Variants in KCTD14 observed in about 807,000 individuals in gnomAD.
KCTD14 encodes BTB/POZ domain-containing protein KCTD14.
KCTD14 carries 7 observed loss-of-function variants against 5.9 expected under a neutral mutation model. The ratio of observed to expected loss-of-function variants is 1.19; its 90% confidence interval spans 0.68 to 2.23. The LOEUF (loss-of-function observed/expected upper bound fraction) is 2.23, where lower values mean the gene tolerates loss of function less well. Among genes scored for constraint, KCTD14 ranks in the 30% most tolerant of loss-of-function variants. The pLI, the probability that KCTD14 is intolerant of heterozygous loss-of-function variation, is 0.00. For synonymous variants in KCTD14, 140 were observed against 133.1 expected (o/e 1.05, Z -0.36); for missense variants, 342 against 332.2 (o/e 1.03, Z -0.23).
chr11:78,024,409 TATAC>T (rs1388001375), upstream of KCTD14, among the ~76,000 whole-genome samples: 4 of 124,228 alleles, frequency 3.2e-5, no homozygotes, highest in East Asian at 2.2e-4. Flanking sequence ...TATATATATA[TATAC>T]ACACACACAC....
chr11:78,037,027 C>T (rs146163244), intron 2 of KCTD14, among the ~76,000 whole-genome samples: 4 of 152,326 alleles, frequency 2.6e-5, no homozygotes, highest in South Asian at 2.1e-4. Context: ...CCCAAAGTCA[C>T]GGAACCATGA....
chr11:78,025,116 GTGTATATATATATA>G (rs71046940), upstream of KCTD14, among the ~76,000 whole-genome samples: 17,200 of 67,600 alleles, frequency 0.25, 1,677 homozygotes, highest in South Asian at 0.35. Flanking sequence ...GTGTGTGTGT[GTGTATATATATATA>G]TATATATATA....
chr11:78,033,837 C>T (rs1196743155), intron 2 of KCTD14, among the ~76,000 whole-genome samples: 1 of 85,924 alleles, frequency 1.2e-5, no homozygotes, highest in African/African-American at 5.0e-5. Context: ...CAGAGTAAGA[C>T]TCCATCTCAA....
chr11:78,022,967 G>A (rs1002778079), intron 1 of KCTD14, 193 bp downstream of exon 1: 2 of 558,236 alleles, frequency 3.6e-6, no homozygotes, highest in South Asian at 2.2e-5. Flanking sequence ...GGCGCGAAAG[G>A]AGAGTGATCC....
At chr11:78,023,355 A>C, upstream of KCTD14, 1 of 1,082,378 alleles carries the variant, frequency 9.2e-7, no homozygotes, top group Non-Finnish European at 1.4e-6. Context: ...TTGCAGTGAG[A>C]CTGGGCCAAG....
chr11:78,033,117 C>T (rs956350833), intron 2 of KCTD14, among the ~76,000 whole-genome samples: 5 of 152,142 alleles, frequency 3.3e-5, no homozygotes, highest in African/African-American at 1.2e-4. Flanking sequence ...TTTGTTCTTT[C>T]TAGCATAAGT....
chr11:78,029,284 C>T (rs1857553442), intron 2 of KCTD14, among the ~76,000 whole-genome samples: 1 of 151,784 alleles, frequency 6.6e-6, no homozygotes, highest in Non-Finnish European at 1.5e-5. Flanking sequence ...TAACTAGTGA[C>T]TATAGTTACA....
chr11:78,028,450 A>G (rs1454163432), intron 2 of KCTD14, among the ~76,000 whole-genome samples: 1 of 152,122 alleles, frequency 6.6e-6, no homozygotes, highest in East Asian at 1.9e-4. Context: ...TAAAAATACA[A>G]AAATTAGCCG....
chr11:78,039,787 C>A (rs1273288173), intron 1 of KCTD14, among the ~76,000 whole-genome samples: 1 of 151,528 alleles, frequency 6.6e-6, no homozygotes, highest in Non-Finnish European at 1.5e-5. Flanking sequence ...CACCTGGTAT[C>A]GTGACGATTT....
rs1251909804 is a variant in KCTD14, at chr11:78,032,365, A to G, written c.-1+6299T>C. On this transcript the variant is annotated intron_variant, in intron 2 of 2. Transcript: ENST00000533144. ...CCAGCTCTTGGGTCTTTTAACCCCA[A>G]AAATGCCTCTTGCAAGGCACAGGAG... Among the ~76,000 whole-genome samples the G allele has an allele frequency of 9.6e-5, 14 of 146,232 alleles. No homozygotes were observed. The Admixed American group carries it at 1.0e-3, about 11-fold the overall frequency.
At chr11:78,039,859 T>C (rs2136757513) in intron 1 of KCTD14, among the ~76,000 whole-genome samples, 1 of 152,336 alleles carries the variant, frequency 6.6e-6, no homozygotes, top group South Asian at 2.1e-4. Flanking sequence ...TTGTGTTGTA[T>C]GAATGTATCA....
chr11:78,040,774 A>G (rs980678342), intron 1 of KCTD14, among the ~76,000 whole-genome samples: 1 of 151,766 alleles, frequency 6.6e-6, no homozygotes, highest in Non-Finnish European at 1.5e-5. Flanking sequence ...GGGTTCAAGC[A>G]ATTCTTCTGC....
At chr11:78,043,041 A>G (rs768303779) in intron 1 of KCTD14, among the ~76,000 whole-genome samples, 4 of 152,194 alleles carry the variant, frequency 2.6e-5, no homozygotes, top group Non-Finnish European at 5.9e-5. Context: ...CGTGGCTCAC[A>G]CCTGTAATCC....
At chr11:78,029,185 CAAAAAA>C (rs34088894) in intron 2 of KCTD14, among the ~76,000 whole-genome samples, 1 of 113,380 alleles carries the variant, frequency 8.8e-6, no homozygotes, top group Non-Finnish European at 1.9e-5. Context: ...ACTCTGTCTC[CAAAAAA>C]AAAAAAAAAA....
chr11:78,030,174 C>A (rs1005274774), intron 2 of KCTD14, among the ~76,000 whole-genome samples: 4 of 152,084 alleles, frequency 2.6e-5, no homozygotes, highest in South Asian at 2.1e-4. Flanking sequence ...TTTTTCCCCC[C>A]CTCCAATTGC....
At chr11:78,039,838 G>A (rs1857941828) in intron 1 of KCTD14, among the ~76,000 whole-genome samples, 1 of 151,994 alleles carries the variant, frequency 6.6e-6, no homozygotes, top group South Asian at 2.1e-4. Context: ...TTTTAAAATG[G>A]CGACAGAGCA....
At position 78,016,803 on chromosome 11, in the gene KCTD14, C is replaced by G. The variant is rs756091622; in HGVS notation, c.558G>C (p.Leu186=). The G allele has an allele frequency of 1.2e-6, 2 of 1,614,162 alleles. No homozygotes were observed. Among genetic ancestry groups the G allele is most frequent in the Non-Finnish European group, 1.7e-6 (2 of 1,179,984 alleles). The change falls in exon 2 of 2, where the codon CTG becomes CTC. Residue 186 remains leucine, a synonymous_variant. Transcript: ENST00000353172. The part of the protein sequence containing the change: ...EEQDAYYSEV[L]CFLQDKKMFK... ...ACATCTTCTTATCCTGCAGAAAACA[C>G]AGGACCTCTGAATAATATGCATCCT...
upstream of KCTD14, chr11:78,023,308 G>A (rs1857359020): frequency 1.3e-6 from 2 of 1,548,254 alleles, no homozygotes; most frequent in Non-Finnish European, 1.8e-6. Flanking sequence ...TGGGAACACC[G>A]AGGCTCAAGG....
chr11:78,036,105 G>A (rs777621620), intron 2 of KCTD14, among the ~76,000 whole-genome samples: 5 of 152,118 alleles, frequency 3.3e-5, no homozygotes, highest in Non-Finnish European at 5.9e-5. Context: ...GTTGCATTGA[G>A]CAGAGATTGC....
Sources: gnomAD v4.1 joint callset for allele counts (sites outside exome capture counted in the v4.1 genomes callset) on GRCh38, gnomAD v4.1.1 for gene constraint, MANE v1.5 for transcripts, NCBI Gene and HGNC (gene_info 2026-07-23, HGNC 2026-07-21) for gene names.